The following COL24A1 variants were observed in gnomAD, a reference collection of about 807,000 sequenced individuals.
COL24A1 encodes collagen type XXIV alpha 1 chain, also known as collagen alpha-1(XXIV) chain.
In COL24A1, 224 loss-of-function variants were observed where a neutral mutation model predicts 253.9. That is an observed-to-expected ratio of 0.88 (90% CI 0.79 to 0.99). The LOEUF is 0.99. Among genes scored for constraint, COL24A1 ranks in the 50% least tolerant of loss-of-function variants. The pLI, the probability that COL24A1 is intolerant of heterozygous loss-of-function variation, is 0.00. For synonymous variants in COL24A1, 685 were observed against 673.7 expected, an observed-to-expected ratio of 1.02 and a Z score of -0.26; for missense variants, 2,131 against 2,068.5, an observed-to-expected ratio of 1.03 and a Z score of -0.59.
intron 1 of COL24A1, 93 bp downstream of exon 1, chr1:86,156,248 C>T: frequency 1.6e-6 from 2 of 1,252,506 alleles, no homozygotes; most frequent in Non-Finnish European, 2.2e-6. Flanking sequence ...GCCAAGGAGC[C>T]GGACTTCAGA....
intron 12 of COL24A1, among the ~76,000 whole-genome samples, chr1:86,038,378 C>T (rs1428693494): frequency 6.6e-6 from 1 of 152,124 alleles, no homozygotes; most frequent in Non-Finnish European, 1.5e-5. Flanking sequence ...ACTGCCTGCT[C>T]GAACCCTTAG....
intron 12 of COL24A1, among the ~76,000 whole-genome samples, chr1:86,039,873 T>A (rs1469911591): frequency 6.6e-6 from 1 of 152,166 alleles, no homozygotes; most frequent in African/African-American, 2.4e-5. Flanking sequence ...TGATCTAATC[T>A]TTTCACCCTT....
chr1:85,989,841 C>T (rs918199182), intron 19 of COL24A1, among the ~76,000 whole-genome samples: 5 of 152,132 alleles, frequency 3.3e-5, no homozygotes, highest in South Asian at 2.1e-4. Context: ...TTTAACTAGA[C>T]GACTGAATAA....
At chr1:86,134,742 G>A (rs76519538) in intron 2 of COL24A1, among the ~76,000 whole-genome samples, 300 of 5,566 alleles carry the variant, frequency 0.054, 70 homozygotes, top group Middle Eastern at 1. Flanking sequence ...GTTCTTTTAC[G>A]TTTGCCGAGG....
chr1:86,106,355 A>G (rs1224554323), intron 5 of COL24A1, among the ~76,000 whole-genome samples: 1 of 152,058 alleles, frequency 6.6e-6, no homozygotes, highest in Non-Finnish European at 1.5e-5. Context: ...ACTGTGGGTT[A>G]TTAAGGCTAG....
intron 47 of COL24A1, among the ~76,000 whole-genome samples, chr1:85,790,823 C>A (rs1300206765): frequency 6.6e-6 from 1 of 152,104 alleles, no homozygotes; most frequent in Non-Finnish European, 1.5e-5. Flanking sequence ...AAAAATTATA[C>A]AGTATATATC....
chr1:85,823,586 C>A lies in COL24A1; in HGVS notation c.3739G>T (p.Glu1247Ter), dbSNP rs199669304. The change falls in exon 45 of 60, where the codon GAA (glutamate) becomes TAA (stop). Residue 1247 changes from glutamate (E) to a stop codon, truncating the protein, a stop_gained. Coordinates refer to ENST00000370571, the MANE Select transcript of COL24A1 (RefSeq NM_152890.7). LOFTEE classifies it high-confidence loss of function. Reference protein sequence around the residue: ...GATGQQGPPGEPGDQGEQGLK... With the variant: ...GATGQQGPPG ...CCTTGTTCACCCTGGTCACCTGGTT[C>A]GCCCTTTAGTAGAAACCAAAATAAA... 35 of 1,613,792 alleles carry A rather than the reference C, an allele frequency of 2.2e-5. No individual in the cohort carries two copies. Among genetic ancestry groups the A allele is most frequent in the Non-Finnish European group, 8.5e-7 (1 of 1,179,902 alleles).
At chr1:85,840,912 A>G (rs1676539830) in intron 42 of COL24A1, among the ~76,000 whole-genome samples, 1 of 152,146 alleles carries the variant, frequency 6.6e-6, no homozygotes, top group South Asian at 2.1e-4. Flanking sequence ...GTATCCTAAA[A>G]TGTCTAGAGT....
chr1:85,874,493 G>T (rs1234657913), intron 35 of COL24A1, among the ~76,000 whole-genome samples, 156 bp downstream of exon 35: 1 of 152,150 alleles, frequency 6.6e-6, no homozygotes, highest in Non-Finnish European at 1.5e-5. Flanking sequence ...ACAAGGTTTG[G>T]GATGCAGCTT....
chr1:86,061,960 A>G (rs1272135410), intron 8 of COL24A1, among the ~76,000 whole-genome samples: 1 of 152,104 alleles, frequency 6.6e-6, no homozygotes, highest in Non-Finnish European at 1.5e-5. Flanking sequence ...GCACTGCTCC[A>G]GCACTGCTAC....
At chr1:85,831,602 A>G (rs1349286191) in intron 43 of COL24A1, among the ~76,000 whole-genome samples, 1 of 152,120 alleles carries the variant, frequency 6.6e-6, no homozygotes, top group South Asian at 2.1e-4. Context: ...AGGAGAGGTT[A>G]TGGAAAGTGA....
In COL24A1 at chr1:85,765,990, A is replaced by G. The variant is rs115263392; in HGVS notation, c.4375-4424T>C. On this transcript the variant is annotated intron_variant, in intron 53 of 59. Coordinates refer to ENST00000370571, the MANE Select transcript of COL24A1 (RefSeq NM_152890.7). ...GGCAGTAACACAACAGTTTTGAAGT[A>G]GAGGAAGAGTAGAGAATTCTACATG... 6.5e-3 allele frequency among the ~76,000 whole-genome samples: 985 copies of G among 152,274 alleles called. 10 individuals carry two copies. The highest frequency in any genetic ancestry group is 0.023 in the African/African-American group (957 of 41,552).
At chr1:85,770,803 A>G (rs995833022) in intron 53 of COL24A1, among the ~76,000 whole-genome samples, 1 of 152,186 alleles carries the variant, frequency 6.6e-6, no homozygotes, top group Non-Finnish European at 1.5e-5. Context: ...TGGTCACAAA[A>G]GTGCTGTGTA....
intron 20 of COL24A1, among the ~76,000 whole-genome samples, chr1:85,984,655 C>A (rs560348625): frequency 6.6e-6 from 1 of 151,950 alleles, no homozygotes; most frequent in African/African-American, 2.4e-5. Context: ...CCATTCTCTA[C>A]ACTATTTGTC....
In COL24A1 at chr1:85,807,951, A is replaced by T. The variant is rs72950687; in HGVS notation, c.3951+8837T>A. On this transcript the variant is annotated intron_variant, in intron 47 of 59. Coordinates refer to ENST00000370571, the MANE Select transcript of COL24A1 (RefSeq NM_152890.7). ...CTTACGAGGGTCAAGTGATAAATGGAGTTTTCATCCAATTCCATTTCCAAG... is the reference window on the plus strand; with the variant it reads ...CTTACGAGGGTCAAGTGATAAATGGTGTTTTCATCCAATTCCATTTCCAAG... 9.5e-3 allele frequency among the ~76,000 whole-genome samples: 1,449 copies of T among 152,238 alleles called. 23 individuals carry two copies. Among genetic ancestry groups the T allele is most frequent in the African/African-American group, 0.033 (1,373 of 41,538 alleles).
At chr1:86,091,931 T>G (rs960714505) in intron 6 of COL24A1, among the ~76,000 whole-genome samples, 1 of 152,112 alleles carries the variant, frequency 6.6e-6, no homozygotes, top group Non-Finnish European at 1.5e-5. Context: ...AATTTATATA[T>G]TATTGTGTAC....
At chr1:86,026,676 G>A (rs1314329039) in intron 14 of COL24A1, among the ~76,000 whole-genome samples, 1 of 152,112 alleles carries the variant, frequency 6.6e-6, no homozygotes, top group Non-Finnish European at 1.5e-5. Context: ...TGTGAGAACT[G>A]GCTATTACAG....
chr1:85,878,442 CAT>C (rs1375626687), intron 32 of COL24A1, among the ~76,000 whole-genome samples: 1 of 152,220 alleles, frequency 6.6e-6, no homozygotes, highest in Non-Finnish European at 1.5e-5. Context: ...GGGATTTCAA[CAT>C]ATGAATTTTG....
chr1:85,744,925 TAGTA>T lies in COL24A1; in HGVS notation c.4504-95_4504-92del. On this transcript the variant is annotated intron_variant, in intron 56 of 59. Transcript: ENST00000370571. ...GAGAAGAATGTGTTTCCATTATGTG[TAGTA>T]AGTTGTGAGTAGAATGTAAAGAACA... 1.4e-5 allele frequency: 13 copies of T among 959,416 alleles called. No homozygotes were observed. The South Asian group carries it at 2.1e-4, about 15-fold the overall frequency. The allele number at this position is 959,416 out of a possible 1,614,324, so 59.4% of individuals were successfully genotyped here. A position where few individuals can be genotyped will look rare whatever the true frequency, so the allele number is the denominator to read the frequency against.
Sources: gnomAD v4.1 joint callset for allele counts (sites outside exome capture counted in the v4.1 genomes callset) on GRCh38, gnomAD v4.1.1 for gene constraint, MANE v1.5 for transcripts, NCBI Gene and HGNC (gene_info 2026-07-23, HGNC 2026-07-21) for gene names.